The following ACOX2 variants were observed in gnomAD, a reference collection of about 807,000 sequenced individuals.
The protein encoded by ACOX2 is peroxisomal acyl-coenzyme A oxidase 2.
ACOX2 carries 59 observed loss-of-function variants against 77.5 expected under a neutral mutation model. That is an observed-to-expected ratio of 0.76 (90% CI 0.62 to 0.95). The LOEUF (loss-of-function observed/expected upper bound fraction) is 0.95. ACOX2 is among the 40% of genes least tolerant of loss of function. The pLI is 0.00. For missense variants in ACOX2, 837 were observed against 880.4 expected (o/e 0.95, Z 0.62); for synonymous variants, 317 against 340.1 (o/e 0.93, Z 0.75).
In ACOX2 at chr3:58,531,544, A is replaced by G. The variant is rs1037500932; in HGVS notation, c.703+149T>C. The G allele has an allele frequency of 6.3e-5, 84 of 1,339,726 alleles. No individual in the cohort carries two copies. Among genetic ancestry groups the G allele is most frequent in the Non-Finnish European group, 8.6e-5 (84 of 975,196 alleles). The allele number at this position is 1,339,726 out of a possible 1,614,324, so 83.0% of individuals were successfully genotyped here. A position where few individuals can be genotyped will look rare whatever the true frequency, so the allele number is the denominator to read the frequency against. Reference sequence around the variant, plus strand: ...AAATCTTGCTCAAGTTCACCTAGCCAGTTAGCACCAAGTCTGTCCAACTGG... The same window carrying G: ...AAATCTTGCTCAAGTTCACCTAGCCGGTTAGCACCAAGTCTGTCCAACTGG... On this transcript the variant is annotated intron_variant, in intron 6 of 14. Coordinates refer to ENST00000302819, the MANE Select transcript of ACOX2 (RefSeq NM_003500.4). This position sits in a 1 kb window ranked among gnomAD's most constrained non-coding sequence, Gnocchi z 5.8.
At chr3:58,513,272 C>G (rs1242640884) in intron 13 of ACOX2, among the ~76,000 whole-genome samples, 1 of 152,138 alleles carries the variant, frequency 6.6e-6, no homozygotes, top group Non-Finnish European at 1.5e-5. Context: ...CATCTGTGAC[C>G]CTTTTTCATC....
intron 12 of ACOX2, among the ~76,000 whole-genome samples, 194 bp from the exon 13 acceptor site, chr3:58,517,617 G>T (rs375084340): frequency 2.0e-5 from 3 of 149,906 alleles, no homozygotes; most frequent in African/African-American, 4.9e-5. Flanking sequence ...GTGTGTTGGG[G>T]GGGGGAGCGG....
chr3:58,511,937 T>C (rs1222863596), intron 13 of ACOX2, among the ~76,000 whole-genome samples: 1 of 152,226 alleles, frequency 6.6e-6, no homozygotes, highest in Non-Finnish European at 1.5e-5. Context: ...TTCCTTATTA[T>C]CTTGCGAGGG....
chr3:58,507,339 C>T (rs2063242233), intron 14 of ACOX2, among the ~76,000 whole-genome samples: 1 of 152,216 alleles, frequency 6.6e-6, no homozygotes, highest in South Asian at 2.1e-4. Context: ...GGATGAAGTG[C>T]ATCAATGTTT....
In ACOX2 at chr3:58,526,371, T is replaced by G; in HGVS notation, c.1346+95A>C. Reference sequence around the variant, plus strand: ...CCAAATAGCACTTCGCAAAGCCTGCTCTTTTTATGGGCCTCAGACGGAACC... The same window carrying G: ...CCAAATAGCACTTCGCAAAGCCTGCGCTTTTTATGGGCCTCAGACGGAACC... On this transcript the variant is annotated intron_variant, in intron 10 of 14. Coordinates refer to ENST00000302819, the MANE Select transcript of ACOX2 (RefSeq NM_003500.4). This position sits in a 1 kb window ranked among gnomAD's most constrained non-coding sequence, Gnocchi z 4.3. 1 of 1,392,786 alleles carries G rather than the reference T, an allele frequency of 7.2e-7. No homozygotes were observed. Among genetic ancestry groups the G allele is most frequent in the Non-Finnish European group, 9.6e-7 (1 of 1,040,844 alleles). 86.3% of individuals were successfully genotyped at this position (1,392,786 alleles called of 1,614,324 possible).
At position 58,522,749 on chromosome 3, in the gene ACOX2, T is replaced by C; in HGVS notation, c.1527-148A>G. Reference sequence around the variant, plus strand: ...GCTAAATGATTGATATTTATTATCTTTTTAACTCTTTTAAGGGCAGGCACC... The same window carrying C: ...GCTAAATGATTGATATTTATTATCTCTTTAACTCTTTTAAGGGCAGGCACC... On this transcript the variant is annotated intron_variant, in intron 11 of 14. Transcript: ENST00000302819. The surrounding 1 kb of genome is among the most constrained non-coding windows in gnomAD (Gnocchi z 4.3). 1 of 734,444 alleles carries C rather than the reference T, an allele frequency of 1.4e-6. No homozygotes were observed. The highest frequency in any genetic ancestry group is 2.3e-6 in the Non-Finnish European group (1 of 443,884). The allele number at this position is 734,444 out of a possible 1,614,324, so 45.5% of individuals were successfully genotyped here.
chr3:58,522,510 G>A lies in ACOX2; in HGVS notation c.1618C>T (p.Leu540Phe). 8 of 1,614,146 alleles carry A rather than the reference G, an allele frequency of 5.0e-6. No individual in the cohort carries two copies. Among genetic ancestry groups the A allele is most frequent in the Non-Finnish European group, 5.9e-6 (7 of 1,180,008 alleles). Reference sequence around the variant, plus strand: ...CAGGCGCTCACCTTAGCAGCCTGGAGGTGTATGACAGTGGTCTGGTTCCAA... The same window carrying A: ...CAGGCGCTCACCTTAGCAGCCTGGAAGTGTATGACAGTGGTCTGGTTCCAA... ...EAWNQTTVIH[L>F]QAAKVHCYYV... Residue 540 changes from leucine to phenylalanine, a missense_variant, in exon 12 of 15, where the codon CTC (leucine) becomes TTC (phenylalanine). Transcript: ENST00000302819. The surrounding 1 kb of genome is among the most constrained non-coding windows in gnomAD (Gnocchi z 4.3).
At position 58,531,840 on chromosome 3, in the gene ACOX2, C is replaced by A; in HGVS notation, c.584-28G>T. On this transcript the variant is annotated intron_variant, in intron 5 of 14. Coordinates refer to ENST00000302819, the MANE Select transcript of ACOX2 (RefSeq NM_003500.4). This position sits in a 1 kb window ranked among gnomAD's most constrained non-coding sequence, Gnocchi z 5.8. The stretch of plus-strand genomic sequence containing the variant: ...GAGGGCAGAGAGAGTAGCGGCCCGT[C>A]ACAGGAAGACCTGTGCATTGCTTTT... The A allele has an allele frequency of 6.2e-7, 1 of 1,604,054 alleles. No individual in the cohort carries two copies. Among genetic ancestry groups the A allele is most frequent in the South Asian group, 1.1e-5 (1 of 89,516 alleles).
chr3:58,531,324 T>C lies in ACOX2; in HGVS notation c.746A>G (p.Gln249Arg). The C allele has an allele frequency of 6.2e-7, 1 of 1,614,022 alleles. No individual in the cohort carries two copies. The highest frequency in any genetic ancestry group is 8.5e-7 in the Non-Finnish European group (1 of 1,180,032). The change falls in exon 7 of 15, where the codon CAA becomes CGA. Residue 249 changes from glutamine (Q) to arginine (R), a missense_variant. Coordinates refer to ENST00000302819, the MANE Select transcript of ACOX2 (RefSeq NM_003500.4). The surrounding 1 kb of genome is among the most constrained non-coding windows in gnomAD (Gnocchi z 5.8). ...GDIGPKMDFD[Q>R]TDNGFLQLNH... ...CAGCTGCAGGAAGCCATTGTCTGTT[T>C]GATCAAAGTCCATCTTGGGTCCGAT... is the stretch of plus-strand genomic sequence containing the variant.
At position 58,505,645 on chromosome 3, in the gene ACOX2, AG is replaced by A. The variant is rs1352762659; in HGVS notation, c.1984-360del. ...ATAGGGATCATATAAGCAGTATTCT[AG>A]GTCCGACTAGGTTATCCTCATTATG... On this transcript the variant is annotated intron_variant, in intron 14 of 14. Transcript: ENST00000302819. The surrounding 1 kb of genome is among the most constrained non-coding windows in gnomAD (Gnocchi z 4.4). Among the ~76,000 whole-genome samples, 2 of 152,328 alleles carry A rather than the reference AG, an allele frequency of 1.3e-5. No homozygotes were observed. The highest frequency in any genetic ancestry group is 3.9e-4 in the East Asian group (2 of 5,192).
intron 8 of ACOX2, among the ~76,000 whole-genome samples, chr3:58,530,219 G>A (rs924744399): frequency 6.6e-6 from 1 of 152,186 alleles, no homozygotes; most frequent in African/African-American, 2.4e-5. Context: ...GAGCCCGATG[G>A]GGGCCAGGCA....
Position 58,526,724 on chromosome 3 carries a change from C to T in ACOX2, c.1156-68G>A. The T allele has an allele frequency of 6.6e-7, 1 of 1,516,692 alleles. No homozygotes were observed. The highest frequency in any genetic ancestry group is 1.2e-5 in the South Asian group (1 of 81,392). The allele number at this position is 1,516,692 out of a possible 1,614,324, so 94.0% of individuals were successfully genotyped here. The stretch of plus-strand genomic sequence containing the variant: ...CCACCATAGGGACCAACCCTGTGCA[C>T]CACTTACTGAGCATCTACTCATGCC... On this transcript the variant is annotated intron_variant, in intron 9 of 14. Transcript: ENST00000302819. The surrounding 1 kb of genome is among the most constrained non-coding windows in gnomAD (Gnocchi z 4.3).
intron 8 of ACOX2, 61 bp from the exon 9 acceptor site, chr3:58,529,017 C>T: frequency 6.8e-7 from 1 of 1,478,610 alleles, no homozygotes; most frequent in Non-Finnish European, 9.0e-7. Context: ...TTCCCCTATC[C>T]CCGACACCAT....
rs1358940369 is a variant in ACOX2, at chr3:58,533,801, A to G, written c.475+193T>C. ...AGAAGGAATGACTTGCCCCACTGGG[A>G]GCTCATACAATACGTGCAAATTAGA... On this transcript the variant is annotated intron_variant, in intron 4 of 14. Coordinates refer to ENST00000302819, the MANE Select transcript of ACOX2 (RefSeq NM_003500.4). This position sits in a 1 kb window ranked among gnomAD's most constrained non-coding sequence, Gnocchi z 5.6. The G allele has an allele frequency of 1.3e-6, 1 of 745,506 alleles. No homozygotes were observed. Among genetic ancestry groups the G allele is most frequent in the Non-Finnish European group, 2.1e-6 (1 of 466,818 alleles). 46.2% of individuals were successfully genotyped at this position (745,506 alleles called of 1,614,324 possible). A position where few individuals can be genotyped will look rare whatever the true frequency, so the allele number is the denominator to read the frequency against.
Position 58,524,339 on chromosome 3 carries a change from G to C in ACOX2, c.1526+87C>G, listed in dbSNP as rs1228246540. Reference sequence around the variant, plus strand: ...GGGTGGTTTTTAGAACTGAATCCACGAATGTCCACCCAACCAATCCAAAGG... The same window carrying C: ...GGGTGGTTTTTAGAACTGAATCCACCAATGTCCACCCAACCAATCCAAAGG... On this transcript the variant is annotated intron_variant, in intron 11 of 14. Transcript: ENST00000302819. The surrounding 1 kb of genome is among the most constrained non-coding windows in gnomAD (Gnocchi z 5.5). The C allele has an allele frequency of 1.3e-6, 2 of 1,508,530 alleles. No homozygotes were observed. The highest frequency in any genetic ancestry group is 1.9e-5 in the Admixed American group (1 of 52,250). The allele number at this position is 1,508,530 out of a possible 1,614,324, so 93.4% of individuals were successfully genotyped here.
rs1041583025 is a variant in ACOX2, at chr3:58,522,271, A to G, written c.1632+225T>C. On this transcript the variant is annotated intron_variant, in intron 12 of 14. Coordinates refer to ENST00000302819, the MANE Select transcript of ACOX2 (RefSeq NM_003500.4). The surrounding 1 kb of genome is among the most constrained non-coding windows in gnomAD (Gnocchi z 4.3). ...ATTTGAACAACCTGAAGCAAATCCAATAACACTGCCTCATTACCTTTTCCC... is the reference window on the plus strand; with the variant it reads ...ATTTGAACAACCTGAAGCAAATCCAGTAACACTGCCTCATTACCTTTTCCC... Among the ~76,000 whole-genome samples, 7 of 152,256 alleles carry G rather than the reference A, an allele frequency of 4.6e-5. No individual in the cohort carries two copies. Among genetic ancestry groups the G allele is most frequent in the Admixed American group, 3.9e-4 (6 of 15,290 alleles).
At chr3:58,508,369 T>A (rs1398581200) in intron 14 of ACOX2, among the ~76,000 whole-genome samples, 1 of 152,180 alleles carries the variant, frequency 6.6e-6, no homozygotes, top group African/African-American at 2.4e-5. Flanking sequence ...GTGCAGCAGC[T>A]TTCTTTGCTC....
chr3:58,508,266 A>G (rs1238866396), intron 14 of ACOX2, among the ~76,000 whole-genome samples: 1 of 152,038 alleles, frequency 6.6e-6, no homozygotes, highest in Non-Finnish European at 1.5e-5. Flanking sequence ...AATGATGTAG[A>G]GTTCTGGTGT....
chr3:58,529,426 A>C (rs1273091665), intron 8 of ACOX2, among the ~76,000 whole-genome samples: 1 of 152,142 alleles, frequency 6.6e-6, no homozygotes, highest in African/African-American at 2.4e-5. Flanking sequence ...CAAGGAAGGG[A>C]CTGTGTCTGC....
Sources: gnomAD v4.1 joint callset for allele counts (sites outside exome capture counted in the v4.1 genomes callset) on GRCh38, gnomAD v4.1.1 for gene constraint, Gnocchi (gnomAD v3.1) non-coding constraint, MANE v1.5 for transcripts, NCBI Gene and HGNC (gene_info 2026-07-23, HGNC 2026-07-21) for gene names.